The following ZNF799 variants were observed in gnomAD, a reference collection of about 807,000 sequenced individuals.
ZNF799 encodes the protein zinc finger protein 799, also known as zinc finger protein 14.
In ZNF799, 28 loss-of-function variants were observed where a neutral mutation model predicts 41.0. The ratio of observed to expected loss-of-function variants is 0.68; its 90% confidence interval spans 0.51 to 0.94. ZNF799 has a LOEUF of 0.94. Ranked by LOEUF, ZNF799 falls within the 40% of genes least tolerant of loss-of-function variation. The pLI, the probability that ZNF799 is intolerant of heterozygous loss-of-function variation, is 0.00. For synonymous variants in ZNF799, 213 were observed against 252.9 expected (o/e 0.84, Z 1.50); for missense variants, 716 against 764.3 (o/e 0.94, Z 0.74).
At chr19:12,398,190 C>T (rs1170062623) in intron 1 of ZNF799, 5 of 144,464 alleles carry the variant, frequency 3.5e-5, no homozygotes, top group Admixed American at 7.2e-5. Flanking sequence ...ACGCAGGAGG[C>T]GGAGGTTGCA....
chr19:12,402,433 T>TG (rs397764342), upstream of ZNF799, among the ~76,000 whole-genome samples: 1 of 150,116 alleles, frequency 6.7e-6, no homozygotes, highest in Non-Finnish European at 1.5e-5. Flanking sequence ...TTTTTTTTTT[T>TG]GGACTTATTG....
At chr19:12,393,694 CT>C (rs1969858058) in intron 1 of ZNF799, 8 of 1,277,948 alleles carry the variant, frequency 6.3e-6, no homozygotes, top group South Asian at 3.2e-5. Flanking sequence ...TGGATCACCC[CT>C]AATGTTGATT....
rs1319924125 is a variant in ZNF799 at position 12,400,973 on chromosome 19, T to A, written c.3+95A>T. On this transcript the variant is annotated intron_variant, in intron 1 of 3. Transcript: ENST00000430385. ...GAACCCGGGTCCGTAGATCCCGGAG[T>A]AGCCCTTGGGGAGGCCCGGGTCCAG... 4 of 1,608,872 alleles carry A rather than the reference T, an allele frequency of 2.5e-6. No individual in the cohort carries two copies. The African/African-American group carries it at 5.3e-5, about 21-fold the overall frequency.
chr19:12,398,044 A>T (rs1969924587), intron 1 of ZNF799: 1 of 152,236 alleles, frequency 6.6e-6, no homozygotes, highest in Non-Finnish European at 1.5e-5. Flanking sequence ...TGAGGTCAGG[A>T]GTTGGAGACC....
At chr19:12,394,566 G>A (rs553674500) in intron 1 of ZNF799, 1 of 985,002 alleles carries the variant, frequency 1.0e-6, no homozygotes, top group South Asian at 4.7e-5. Flanking sequence ...GTTTCCTTTA[G>A]ATCAAATGTA....
chr19:12,411,388 T>G, the ZNF799 span, among the ~76,000 whole-genome samples: 1 of 152,006 alleles, frequency 6.6e-6, no homozygotes, highest in Non-Finnish European at 1.5e-5. Context: ...TAAAACAAGA[T>G]CACCAATTTA....
the ZNF799 span, among the ~76,000 whole-genome samples, chr19:12,410,761 C>T: frequency 2.0e-5 from 3 of 152,226 alleles, no homozygotes; most frequent in East Asian, 5.8e-4. Flanking sequence ...TATTCCTATG[C>T]ACATTAAAGT....
Position 12,401,184 on chromosome 19 carries a change from G to A in ZNF799, c.-114C>T. On this transcript the variant is annotated 5_prime_UTR_variant, in exon 1 of 4. Coordinates refer to ENST00000430385, the MANE Select transcript of ZNF799 (RefSeq NM_001080821.3). ...CAGGTCGTCTCTTAGCTACAGAGCCGAGCACCGAGCGCCCAGCGCAGGTGG... is the reference window on the plus strand; with the variant it reads ...CAGGTCGTCTCTTAGCTACAGAGCCAAGCACCGAGCGCCCAGCGCAGGTGG... 3 of 1,586,436 alleles carry A rather than the reference G, an allele frequency of 1.9e-6. No individual in the cohort carries two copies. The highest frequency in any genetic ancestry group is 1.7e-6 in the Non-Finnish European group (2 of 1,167,948).
chr19:12,390,935 A>G lies in ZNF799; in HGVS notation c.1463T>C (p.Phe488Ser). Residue 488 changes from phenylalanine to serine, a missense_variant, in exon 4 of 4, where the codon TTC becomes TCC. By Grantham distance (155) the Phe-to-Ser change is radical. This residue lies in a region of ZNF799 where 698 missense variants were observed against 713.6 expected (regional missense o/e 0.98). Transcript: ENST00000430385. Reference sequence around the variant, plus strand: ...CCTTCTATGTTGAGAAAGGTATTGGAAACAACTGAATGCTTTCCCACATTC... The same window carrying G: ...CCTTCTATGTTGAGAAAGGTATTGGGAACAACTGAATGCTTTCCCACATTC... ...CKECGKAFSC[F>S]QYLSQHRRTH... The G allele has an allele frequency of 1.9e-6, 3 of 1,613,978 alleles. No homozygotes were observed. Among genetic ancestry groups the G allele is most frequent in the African/African-American group, 1.3e-5 (1 of 75,000 alleles).
the ZNF799 span, among the ~76,000 whole-genome samples, chr19:12,406,411 G>A: frequency 6.6e-6 from 1 of 151,082 alleles, no homozygotes; most frequent in Admixed American, 6.6e-5. Flanking sequence ...GTGAACCTGG[G>A]AGGCGGAGCT....
intron 1 of ZNF799, among the ~76,000 whole-genome samples, chr19:12,397,289 C>A (rs1465118554): frequency 1.3e-5 from 2 of 151,974 alleles, no homozygotes; most frequent in Non-Finnish European, 2.9e-5. Flanking sequence ...GTCACAGTGG[C>A]TCACCCCTGT....
Position 12,392,114 on chromosome 19 carries a change from T to C in ZNF799, c.284A>G (p.Asn95Ser), listed in dbSNP as rs1969833487. The C allele has an allele frequency of 6.2e-7, 1 of 1,614,028 alleles. No homozygotes were observed. The highest frequency in any genetic ancestry group is 1.3e-5 in the African/African-American group (1 of 74,934). The change falls in exon 4 of 4, where the codon AAC becomes AGC. Residue 95 changes from asparagine (N) to serine (S), a missense_variant. Transcript: ENST00000430385. ...ATATGGACCTACTCCAGGAAGAGTGTTCTTGGTCACAATACTATCTTGAAT... is the reference window on the plus strand; with the variant it reads ...ATATGGACCTACTCCAGGAAGAGTGCTCTTGGTCACAATACTATCTTGAAT... Reference protein sequence around the residue: ...SQIQDSIVTKNTLPGVGPYES... With the variant: ...SQIQDSIVTKSTLPGVGPYES...
intron 1 of ZNF799, among the ~76,000 whole-genome samples, chr19:12,399,440 G>A (rs1376250268): frequency 6.6e-6 from 1 of 151,986 alleles, no homozygotes; most frequent in East Asian, 1.9e-4. Context: ...CCAAGGAATG[G>A]AAACTAGGGT....
chr19:12,410,256 TA>T, the ZNF799 span, among the ~76,000 whole-genome samples: 18 of 6,892 alleles, frequency 2.6e-3, no homozygotes, highest in South Asian at 0.17. Context: ...TCTGTGTGCA[TA>T]TATATATATA....
chr19:12,401,049 G>C lies in ZNF799; in HGVS notation c.3+19C>G. ...CCCAGCCCCTCCCCCGCCTCGGGAC[G>C]CCGGCCCAGCACACGCACCATTTCC... On this transcript the variant is annotated intron_variant, in intron 1 of 3. Transcript: ENST00000430385. 6.2e-7 allele frequency: 1 copy of C among 1,613,984 alleles called. No homozygotes were observed. Among genetic ancestry groups the C allele is most frequent in the South Asian group, 1.1e-5 (1 of 91,078 alleles).
chr19:12,391,236 T>C lies in ZNF799; in HGVS notation c.1162A>G (p.Thr388Ala), dbSNP rs749075683. The C allele has an allele frequency of 2.1e-5, 34 of 1,614,160 alleles. No homozygotes were observed. Among genetic ancestry groups the C allele is most frequent in the Non-Finnish European group, 2.5e-5 (30 of 1,179,994 alleles). Residue 388 changes from threonine to alanine, a missense_variant, in exon 4 of 4, where the codon ACT (threonine) becomes GCT (alanine). Coordinates refer to ENST00000430385, the MANE Select transcript of ZNF799 (RefSeq NM_001080821.3). ...TTGCATTTGTGAGGTCCATCTCCAG[T>C]GTGCATTGTCATGTGTCTTCGAAAG... Reference protein sequence around the residue: ...SSFRRHMTMHTGDGPHKCKIC... With the variant: ...SSFRRHMTMHAGDGPHKCKIC...
At chr19:12,405,010 T>C (rs1291348893), upstream of ZNF799, among the ~76,000 whole-genome samples, 1 of 152,058 alleles carries the variant, frequency 6.6e-6, no homozygotes, top group East Asian at 1.9e-4. Context: ...CCAGCGAATA[T>C]AAAGCAGGCA....
Position 12,401,179 on chromosome 19 carries a change from G to A in ZNF799, c.-109C>T, listed in dbSNP as rs1349113232. The A allele has an allele frequency of 1.3e-6, 2 of 1,597,390 alleles. No individual in the cohort carries two copies. Among genetic ancestry groups the A allele is most frequent in the Non-Finnish European group, 1.7e-6 (2 of 1,173,980 alleles). ...ACTTCCAGGTCGTCTCTTAGCTACA[G>A]AGCCGAGCACCGAGCGCCCAGCGCA... On this transcript the variant is annotated 5_prime_UTR_variant, in exon 1 of 4. Transcript: ENST00000430385.
At chr19:12,401,569 C>CGAGAGAGAGAGAGAGAGAGAGAGAGAGA (rs142456121), upstream of ZNF799, among the ~76,000 whole-genome samples, 6 of 78,434 alleles carry the variant, frequency 7.6e-5, no homozygotes, top group African/African-American at 3.3e-4. Flanking sequence ...TTTTTTTTTC[C>CGAGAGAGAGAGAGAGAGAGAGAGAGAGA]GAGAGAGAGA....
Sources: allele counts gnomAD v4.1 joint callset (sites outside exome capture counted in the v4.1 genomes callset), GRCh38; gene constraint gnomAD v4.1.1; regional missense constraint gnomAD v4.1.1; transcripts MANE v1.5; gene names NCBI Gene and HGNC (gene_info 2026-07-23, HGNC 2026-07-21).